SAMSN1: variants seen among roughly 807,000 people sequenced by gnomAD.
SAMSN1 encodes SAM domain, SH3 domain and nuclear localization signals 1.
A neutral mutation model predicts 42.0 loss-of-function variants in SAMSN1; 31 were observed. That is an observed-to-expected ratio of 0.74 (90% CI 0.55 to 1.00). The LOEUF (loss-of-function observed/expected upper bound fraction) is 1.00, where lower values mean the gene tolerates loss of function less well. SAMSN1 is among the 50% of genes least tolerant of loss of function. The probability of loss-of-function intolerance (pLI) is 0.00; values close to 1 mark genes in which losing one functional copy is unlikely to be tolerated. For missense variants in SAMSN1, 464 were observed against 439.4 expected, an observed-to-expected ratio of 1.06 and a Z score of -0.50; for synonymous variants, 178 against 151.9, an observed-to-expected ratio of 1.17 and a Z score of -1.26.
At chr21:14,556,149 C>T (rs13050730) in intron 2 of SAMSN1, among the ~76,000 whole-genome samples, 3,117 of 152,186 alleles carry the variant, frequency 0.02, 55 homozygotes, top group Non-Finnish European at 0.03. Flanking sequence ...TTTCTATTTT[C>T]ACTCATCAGA....
rs1419804298 is a variant in SAMSN1 at position 14,637,679 on chromosome 21, T to C, written c.156+5323A>G. On this transcript the variant is annotated intron_variant, in intron 2 of 15. Coordinates refer to the SAMSN1 transcript ENST00000647101. ...TCTCTAAAATAATGTGATTGAATAATCTTGCTTGTTTTGGTCATCAGTCTG... is the reference window on the plus strand; with the variant it reads ...TCTCTAAAATAATGTGATTGAATAACCTTGCTTGTTTTGGTCATCAGTCTG... Among the ~76,000 whole-genome samples, 3 of 152,278 alleles carry C rather than the reference T, an allele frequency of 2.0e-5. No homozygotes were observed. The East Asian group carries it at 5.8e-4, about 29-fold the overall frequency.
upstream of SAMSN1, among the ~76,000 whole-genome samples, chr21:14,547,113 A>G (rs1393566495): frequency 1.3e-5 from 2 of 152,244 alleles, no homozygotes; most frequent in Admixed American, 1.3e-4. Context: ...ATTTTAAAAT[A>G]TGGATTAGAC....
chr21:14,515,496 T>C (rs907930286), intron 3 of SAMSN1, among the ~76,000 whole-genome samples: 1 of 152,142 alleles, frequency 6.6e-6, no homozygotes, highest in Non-Finnish European at 1.5e-5. Flanking sequence ...AGTAAAATTA[T>C]CTTGAAATAA....
At chr21:14,495,743 T>C (rs1279310420) in intron 7 of SAMSN1, 1 of 152,232 alleles carries the variant, frequency 6.6e-6, no homozygotes, top group East Asian at 1.9e-4. Flanking sequence ...CACTATGTTT[T>C]GTTTTCAGAG....
chr21:14,533,467 G>C (rs1334430390), intron 1 of SAMSN1, among the ~76,000 whole-genome samples: 2 of 152,172 alleles, frequency 1.3e-5, no homozygotes, highest in African/African-American at 4.8e-5. Context: ...CTTTTGTAGA[G>C]AAAATGTACC....
At chr21:14,532,497 T>G (rs1381043167) in intron 1 of SAMSN1, among the ~76,000 whole-genome samples, 2 of 152,350 alleles carry the variant, frequency 1.3e-5, no homozygotes, top group African/African-American at 4.8e-5. Flanking sequence ...GTCAATTACA[T>G]TTATTTACCT....
At chr21:14,610,145 G>T (rs558181102) in intron 4 of SAMSN1, among the ~76,000 whole-genome samples, 3 of 152,318 alleles carry the variant, frequency 2.0e-5, no homozygotes, top group South Asian at 4.1e-4. Flanking sequence ...GGCCGGGCAT[G>T]ATGGAGCCAT....
At chr21:14,490,698 A>T (rs536926263) in intron 7 of SAMSN1, among the ~76,000 whole-genome samples, 16 of 152,336 alleles carry the variant, frequency 1.1e-4, no homozygotes, top group Non-Finnish European at 2.2e-4. Context: ...TAAGAATAGG[A>T]TTCCATTCAT....
At chr21:14,652,943 G>A (rs998152426) in intron 1 of SAMSN1, among the ~76,000 whole-genome samples, 2 of 151,904 alleles carry the variant, frequency 1.3e-5, no homozygotes, top group African/African-American at 2.4e-5. Flanking sequence ...AGTGCTCAAC[G>A]TCATTTATCA....
At chr21:14,572,923 C>T (rs1009218428) in intron 2 of SAMSN1, among the ~76,000 whole-genome samples, 3 of 152,124 alleles carry the variant, frequency 2.0e-5, no homozygotes, top group African/African-American at 4.8e-5. Flanking sequence ...CTGCATAAAT[C>T]GGTTATCCTC....
chr21:14,534,881 C>A (rs1461450933), intron 1 of SAMSN1, among the ~76,000 whole-genome samples: 1 of 152,146 alleles, frequency 6.6e-6, no homozygotes, highest in Non-Finnish European at 1.5e-5. Flanking sequence ...GGTCTCTATG[C>A]CTTTAGTTCA....
At chr21:14,645,089 A>G (rs1983687786) in intron 1 of SAMSN1, among the ~76,000 whole-genome samples, 1 of 152,198 alleles carries the variant, frequency 6.6e-6, no homozygotes, top group Non-Finnish European at 1.5e-5. Flanking sequence ...GGGGGCCTTC[A>G]GTGCCCTGAA....
At chr21:14,508,914 G>A (rs57526241) in intron 5 of SAMSN1, among the ~76,000 whole-genome samples, 6,449 of 152,098 alleles carry the variant, frequency 0.042, 442 homozygotes, top group African/African-American at 0.15. Context: ...TGGATCACGA[G>A]GTCAAGAGAT....
At chr21:14,511,908 TG>T (rs1987702649) in intron 4 of SAMSN1, among the ~76,000 whole-genome samples, 1 of 152,184 alleles carries the variant, frequency 6.6e-6, no homozygotes, top group Non-Finnish European at 1.5e-5. Flanking sequence ...TGATTAATGC[TG>T]GGTTAAGATC....
At chr21:14,553,543 C>A (rs1037831715) in intron 2 of SAMSN1, among the ~76,000 whole-genome samples, 1 of 152,162 alleles carries the variant, frequency 6.6e-6, no homozygotes, top group African/African-American at 2.4e-5. Flanking sequence ...TTCCAATTAT[C>A]TCTGGTCTAA....
intron 7 of SAMSN1, among the ~76,000 whole-genome samples, chr21:14,497,775 G>A (rs1010117069): frequency 1.3e-5 from 2 of 152,054 alleles, no homozygotes; most frequent in African/African-American, 4.8e-5. Context: ...GGGCCTGACC[G>A]GATTTGGCAG....
At chr21:14,513,725 G>T (rs1190667988) in intron 3 of SAMSN1, among the ~76,000 whole-genome samples, 1 of 152,164 alleles carries the variant, frequency 6.6e-6, no homozygotes, top group Non-Finnish European at 1.5e-5. Flanking sequence ...CTGAATTATT[G>T]ACCTAAAGGA....
chr21:14,646,371 A>T (rs1215354765), intron 1 of SAMSN1, among the ~76,000 whole-genome samples: 1 of 152,236 alleles, frequency 6.6e-6, no homozygotes, highest in African/African-American at 2.4e-5. Flanking sequence ...TGACATATTT[A>T]AAGTGCTTAA....
At chr21:14,608,813 A>G (rs892884587) in intron 5 of SAMSN1, among the ~76,000 whole-genome samples, 1 of 152,166 alleles carries the variant, frequency 6.6e-6, no homozygotes, top group Non-Finnish European at 1.5e-5. Flanking sequence ...TTGAATCATC[A>G]ATAGCTAAAA....
Sources: gnomAD v4.1 joint callset for allele counts (sites outside exome capture counted in the v4.1 genomes callset) on GRCh38, gnomAD v4.1.1 for gene constraint, MANE v1.5 for transcripts, NCBI Gene and HGNC (gene_info 2026-07-23, HGNC 2026-07-21) for gene names.